The following RRM2B variants were observed in gnomAD, a reference collection of about 807,000 sequenced individuals.
The protein encoded by RRM2B is ribonucleotide reductase regulatory TP53 inducible subunit M2B.
RRM2B carries 20 observed loss-of-function variants against 45.9 expected under a neutral mutation model. The observed-to-expected ratio is 0.44, with a 90% CI of 0.31 to 0.63. The LOEUF is 0.63. RRM2B is among the 30% of genes least tolerant of loss of function. RRM2B has a pLI of 0.09. For missense variants in RRM2B, 320 were observed against 414.7 expected, an observed-to-expected ratio of 0.77 and a Z score of 1.98; for synonymous variants, 124 against 132.3, an observed-to-expected ratio of 0.94 and a Z score of 0.43.
chr8:102,236,830 C>A (rs994579331), intron 1 of RRM2B, among the ~76,000 whole-genome samples: 12 of 152,162 alleles, frequency 7.9e-5, no homozygotes, highest in Non-Finnish European at 1.8e-4. Flanking sequence ...TTTCTGGTCA[C>A]CCAGTTGGAA....
rs1199897518 is a variant in RRM2B at position 102,206,496 on chromosome 8, T to A, written c.*1637A>T. The A allele has an allele frequency of 6.6e-6, 1 of 152,208 alleles. No homozygotes were observed. Among genetic ancestry groups the A allele is most frequent in the Non-Finnish European group, 1.5e-5 (1 of 68,018 alleles). 9.4% of individuals were successfully genotyped at this position (152,208 alleles called of 1,614,324 possible). A position where few individuals can be genotyped will look rare whatever the true frequency, so the allele number is the denominator to read the frequency against. On this transcript the variant is annotated 3_prime_UTR_variant, in exon 9 of 9. Transcript: ENST00000251810. The stretch of plus-strand genomic sequence containing the variant: ...AAAGTTATGGCCTGCTCCTTTTGCA[T>A]TCACTTGAGAACTCCCAGTTTTGAT...
intron 2 of RRM2B, among the ~76,000 whole-genome samples, chr8:102,226,839 G>A (rs1014236499): frequency 2.0e-5 from 3 of 151,776 alleles, no homozygotes; most frequent in Non-Finnish European, 4.4e-5. Context: ...TCAGCCTCCC[G>A]AGTAGCTGGG....
intron 4 of RRM2B, among the ~76,000 whole-genome samples, chr8:102,224,383 C>A (rs528723304): frequency 3.9e-4 from 60 of 152,226 alleles, no homozygotes; most frequent in African/African-American, 1.4e-3. Flanking sequence ...ACTGTGTTAG[C>A]CAGGATGGTC....
chr8:102,238,921 T>C lies in RRM2B; in HGVS notation c.-47A>G. 1 of 1,593,480 alleles carries C rather than the reference T, an allele frequency of 6.3e-7. No homozygotes were observed. Among genetic ancestry groups the C allele is most frequent in the Non-Finnish European group, 8.5e-7 (1 of 1,171,480 alleles). ...ACGGGCGCTGAGGGAACTGAGCTCCTCAGGCCACCTCCAACTACGACAGCA... is the reference window on the plus strand; with the variant it reads ...ACGGGCGCTGAGGGAACTGAGCTCCCCAGGCCACCTCCAACTACGACAGCA... On this transcript the variant is annotated 5_prime_UTR_variant, in exon 1 of 9. Transcript: ENST00000251810.
intron 1 of RRM2B, among the ~76,000 whole-genome samples, chr8:102,236,900 G>A (rs1326430356): frequency 6.6e-6 from 1 of 152,148 alleles, no homozygotes; most frequent in East Asian, 1.9e-4. Flanking sequence ...AAGCACTTAC[G>A]ATGCCCCAAT....
chr8:102,221,350 A>G (rs1810832397), intron 5 of RRM2B, among the ~76,000 whole-genome samples: 1 of 152,220 alleles, frequency 6.6e-6, no homozygotes, highest in African/African-American at 2.4e-5. Context: ...AAGGTCACCA[A>G]AAATGTTAGG....
chr8:102,235,912 C>G (rs959743203), intron 1 of RRM2B, among the ~76,000 whole-genome samples: 2 of 152,164 alleles, frequency 1.3e-5, no homozygotes, highest in Admixed American at 6.5e-5. Context: ...AAATATAACA[C>G]TGCAGAACAC....
intron 2 of RRM2B, among the ~76,000 whole-genome samples, chr8:102,227,349 G>A (rs1427003690): frequency 6.6e-6 from 1 of 152,064 alleles, no homozygotes; most frequent in African/African-American, 2.4e-5. Context: ...CCAGTCTGGA[G>A]TGCGGTGGCA....
chr8:102,238,425 C>T, intron 1 of RRM2B: 1 of 726,786 alleles, frequency 1.4e-6, no homozygotes, highest in Non-Finnish European at 2.0e-6. Flanking sequence ...TTGTCACCAT[C>T]CCAAATGGTA....
chr8:102,224,169 G>A (rs1165544627), intron 4 of RRM2B, 29 bp from the exon 5 acceptor site: 7 of 1,366,136 alleles, frequency 5.1e-6, no homozygotes, highest in African/African-American at 1.4e-5. Flanking sequence ...GAACAGCAAA[G>A]TTATTCACTT....
chr8:102,214,974 T>C (rs1810701161), intron 6 of RRM2B, among the ~76,000 whole-genome samples: 1 of 126,962 alleles, frequency 7.9e-6, no homozygotes, highest in Non-Finnish European at 1.6e-5. Context: ...AATTGGAGAA[T>C]AGGTGAAGGA....
rs1342780641 is a variant in RRM2B, at chr8:102,204,911, G to C, written c.*3222C>G. ...TCTTCACTTACATTTTTTTAAACAA[G>C]ATTAAGCCCCAAATTGAAGGGATTA... On this transcript the variant is annotated 3_prime_UTR_variant, in exon 9 of 9. Transcript: ENST00000251810. 6.6e-6 allele frequency: 1 copy of C among 152,148 alleles called. No individual in the cohort carries two copies. The highest frequency in any genetic ancestry group is 1.5e-5 in the Non-Finnish European group (1 of 67,998). 9.4% of individuals were successfully genotyped at this position (152,148 alleles called of 1,614,324 possible).
chr8:102,211,601 GT>G, intron 8 of RRM2B, among the ~76,000 whole-genome samples: 1 of 152,242 alleles, frequency 6.6e-6, no homozygotes, highest in Non-Finnish European at 1.5e-5. Flanking sequence ...ATGGTAATGG[GT>G]TAAAGAATAG....
chr8:102,218,310 G>A (rs984108325), intron 6 of RRM2B, among the ~76,000 whole-genome samples: 6 of 152,162 alleles, frequency 3.9e-5, no homozygotes, highest in African/African-American at 1.2e-4. Context: ...AGGAGACCGA[G>A]GAGAAATGGT....
intron 4 of RRM2B, among the ~76,000 whole-genome samples, chr8:102,224,365 G>A (rs533526287): frequency 2.0e-5 from 3 of 152,154 alleles, no homozygotes; most frequent in South Asian, 4.2e-4. Flanking sequence ...TAGTAGAGAC[G>A]TGGTTTCACT....
rs1446594064 is a variant in RRM2B at position 102,232,179 on chromosome 8, C to T, written c.174G>A (p.Gln58=). The change falls in exon 2 of 9, where the codon CAG becomes CAA. Residue 58 remains glutamine, a synonymous_variant. Transcript: ENST00000251810. ...CTGCTGTCCAGAAGGAAGCCTGTGCCTGTTTATACATTTTCCAAATATCAG... is the reference window on the plus strand; with the variant it reads ...CTGCTGTCCAGAAGGAAGCCTGTGCTTGTTTATACATTTTCCAAATATCAG... The part of the protein sequence containing the change: ...QYPDIWKMYK[Q]AQASFWTAEE... 1.2e-6 allele frequency: 2 copies of T among 1,614,194 alleles called. No homozygotes were observed. The highest frequency in any genetic ancestry group is 1.7e-6 in the Non-Finnish European group (2 of 1,180,028).
In RRM2B at chr8:102,232,027, A is replaced by G. The variant is rs1811038976; in HGVS notation, c.204+122T>C. ...CATCATATTTAGTCTCAGTAATTCC[A>G]ACACTTATCTTCTACAACTGATCTT... On this transcript the variant is annotated intron_variant, in intron 2 of 8. Transcript: ENST00000251810. 4 of 951,302 alleles carry G rather than the reference A, an allele frequency of 4.2e-6. No homozygotes were observed. In the East Asian group the frequency reaches 9.6e-5, roughly 23 times the overall value. 58.9% of individuals were successfully genotyped at this position (951,302 alleles called of 1,614,324 possible).
chr8:102,218,529 G>A (rs1168342740), intron 6 of RRM2B, among the ~76,000 whole-genome samples: 2 of 151,964 alleles, frequency 1.3e-5, no homozygotes, highest in Non-Finnish European at 2.9e-5. Context: ...ACCAGCCTGG[G>A]CAACGTGGTG....
chr8:102,221,465 A>G (rs1810834545), intron 5 of RRM2B, among the ~76,000 whole-genome samples: 1 of 152,184 alleles, frequency 6.6e-6, no homozygotes, highest in African/African-American at 2.4e-5. Flanking sequence ...AGCTGGTTAA[A>G]GGAAAGTAGC....
Sources: gnomAD v4.1 joint callset for allele counts (sites outside exome capture counted in the v4.1 genomes callset) on GRCh38, gnomAD v4.1.1 for gene constraint, MANE v1.5 for transcripts, NCBI Gene and HGNC (gene_info 2026-07-23, HGNC 2026-07-21) for gene names.